AK1: variants seen among roughly 807,000 people sequenced by gnomAD.
AK1 encodes adenylate kinase isoenzyme 1.
In AK1, 13 loss-of-function variants were observed where a neutral mutation model predicts 23.9. The ratio of observed to expected loss-of-function variants is 0.54; its 90% confidence interval spans 0.35 to 0.86. The LOEUF (loss-of-function observed/expected upper bound fraction) is 0.86, where lower values mean the gene tolerates loss of function less well. AK1 is among the 40% of genes least tolerant of loss of function. The pLI, the probability that AK1 is intolerant of heterozygous loss-of-function variation, is 0.01. For synonymous variants in AK1, 97 were observed against 102.8 expected (o/e 0.94, Z 0.34); for missense variants, 214 against 255.1 (o/e 0.84, Z 1.10).
In AK1 at chr9:127,867,113, C is replaced by T. The variant is rs1240698377; in HGVS notation, c.*895G>A. 1 of 151,440 alleles carries T rather than the reference C, an allele frequency of 6.6e-6. No individual in the cohort carries two copies. Among genetic ancestry groups the T allele is most frequent in the African/African-American group, 2.4e-5 (1 of 41,026 alleles). 9.4% of individuals were successfully genotyped at this position (151,440 alleles called of 1,614,324 possible). A position where few individuals can be genotyped will look rare whatever the true frequency, so the allele number is the denominator to read the frequency against. On this transcript the variant is annotated 3_prime_UTR_variant, in exon 7 of 7. Transcript: ENST00000644144. ...GCAAGCTCCACCTCCCGGGTTCACG[C>T]CATTCTCCTGCCTCAGCCTCATGAG...
At chr9:127,875,037 C>T (rs1354302339) in intron 1 of AK1, 3 of 268,170 alleles carry the variant, frequency 1.1e-5, no homozygotes, top group East Asian at 1.7e-4. Flanking sequence ...CAGCGTCTGC[C>T]CAGACACCTT....
chr9:127,873,691 C>G, intron 2 of AK1: 1 of 1,355,764 alleles, frequency 7.4e-7, no homozygotes. Flanking sequence ...GGCCACAGCC[C>G]CACTGGGCAG....
rs1829410597 is a variant in AK1, at chr9:127,871,597, A to G, written c.324+226T>C. 6.6e-6 allele frequency among the ~76,000 whole-genome samples: 1 copy of G among 151,574 alleles called. No homozygotes were observed. ...CAAGATCTCAAGCCGTTGAGCTGGA[A>G]TCTGAGCCCAGGTTTGGCAACTGCC... On this transcript the variant is annotated intron_variant, in intron 5 of 6. Coordinates refer to ENST00000644144, the MANE Select transcript of AK1 (RefSeq NM_000476.3). This position sits in a 1 kb window ranked among gnomAD's most constrained non-coding sequence, Gnocchi z 4.4.
rs1171896207 is a variant in AK1, at chr9:127,867,968, TG to T, written c.*39del. 3 of 1,603,110 alleles carry T rather than the reference TG, an allele frequency of 1.9e-6. No individual in the cohort carries two copies. The highest frequency in any genetic ancestry group is 2.6e-6 in the Non-Finnish European group (3 of 1,170,504). On this transcript the variant is annotated 3_prime_UTR_variant, in exon 7 of 7. Transcript: ENST00000644144. ...AGGAGGACCTCGAATCAGGACGGGGTGGGGCGGGGCTCTGAGCTGGGGAAGC... is the reference window on the plus strand; with the variant it reads ...AGGAGGACCTCGAATCAGGACGGGGTGGGCGGGGCTCTGAGCTGGGGAAGC...
chr9:127,876,257 A>G (rs573595601), intron 1 of AK1, among the ~76,000 whole-genome samples: 2 of 152,230 alleles, frequency 1.3e-5, no homozygotes, highest in South Asian at 4.1e-4. Flanking sequence ...GCACTGCACA[A>G]CCACGCTGTA....
At chr9:127,872,578 C>T (rs888812404) in intron 4 of AK1, 112 bp downstream of exon 4, 88 of 1,427,120 alleles carry the variant, frequency 6.2e-5, no homozygotes, top group Non-Finnish European at 8.0e-5. Context: ...GGTTTGGAGC[C>T]GGGGGCGGTT....
At position 127,874,300 on chromosome 9, in the gene AK1, T is replaced by C. The variant is rs186337207; in HGVS notation, c.7+311A>G. On this transcript the variant is annotated intron_variant, in intron 2 of 6. Transcript: ENST00000644144. ...GTACGGGGAATTGCCTTGTCCTCAT[T>C]AGACCTGGTGTTTTGTGTATCTGTG... 220 of 985,386 alleles carry C rather than the reference T, an allele frequency of 2.2e-4. No individual in the cohort carries two copies. The African/African-American group carries it at 3.6e-3, about 16-fold the overall frequency. 61.0% of individuals were successfully genotyped at this position (985,386 alleles called of 1,614,324 possible).
Position 127,868,105 on chromosome 9 carries a change from G to A in AK1, c.517-29C>T. On this transcript the variant is annotated intron_variant, in intron 6 of 6. Coordinates refer to ENST00000644144, the MANE Select transcript of AK1 (RefSeq NM_000476.3). This position sits in a 1 kb window ranked among gnomAD's most constrained non-coding sequence, Gnocchi z 4.1. ...TGGGGAGATGGGCCGTGAGGGCTGA[G>A]TCACCAGGTGGAGTGGGGTGGGCCT... is the stretch of plus-strand genomic sequence containing the variant. 4 of 1,612,334 alleles carry A rather than the reference G, an allele frequency of 2.5e-6. No individual in the cohort carries two copies. Among genetic ancestry groups the A allele is most frequent in the Non-Finnish European group, 3.4e-6 (4 of 1,178,430 alleles).
intron 1 of AK1, among the ~76,000 whole-genome samples, chr9:127,875,427 G>A (rs1829516607): frequency 7.0e-6 from 1 of 142,544 alleles, no homozygotes; most frequent in African/African-American, 2.7e-5. Context: ...ACTGCCCTCT[G>A]GACACCTTTG....
chr9:127,873,884 C>G lies in AK1; in HGVS notation c.7+727G>C. 3 of 985,396 alleles carry G rather than the reference C, an allele frequency of 3.0e-6. No homozygotes were observed. The South Asian group carries it at 1.4e-4, about 46-fold the overall frequency. The allele number at this position is 985,396 out of a possible 1,614,324, so 61.0% of individuals were successfully genotyped here. On this transcript the variant is annotated intron_variant, in intron 2 of 6. Coordinates refer to ENST00000644144, the MANE Select transcript of AK1 (RefSeq NM_000476.3). Reference sequence around the variant, plus strand: ...GCCCCTCTCTGGTTCTCTGCCCCTTCCCCAGGGAGGAGGTGGGCTGGGCGG... The same window carrying G: ...GCCCCTCTCTGGTTCTCTGCCCCTTGCCCAGGGAGGAGGTGGGCTGGGCGG...
intron 1 of AK1, among the ~76,000 whole-genome samples, chr9:127,876,679 G>A (rs1229517237): frequency 7.2e-6 from 1 of 139,700 alleles, no homozygotes; most frequent in Non-Finnish European, 1.6e-5. Context: ...CCCCCTCCTG[G>A]TAATCTAAGC....
chr9:127,867,964 G>C lies in AK1; in HGVS notation c.*44C>G, dbSNP rs768926123. 5 of 1,597,294 alleles carry C rather than the reference G, an allele frequency of 3.1e-6. No individual in the cohort carries two copies. The highest frequency in any genetic ancestry group is 4.3e-6 in the Non-Finnish European group (5 of 1,164,774). On this transcript the variant is annotated 3_prime_UTR_variant, in exon 7 of 7. Transcript: ENST00000644144. ...GGCCAGGAGGACCTCGAATCAGGAC[G>C]GGGTGGGGCGGGGCTCTGAGCTGGG...
Position 127,877,650 on chromosome 9 carries a change from G to A in AK1, c.-60C>T, listed in dbSNP as rs945728349. 2 of 152,300 alleles carry A rather than the reference G, an allele frequency of 1.3e-5. No individual in the cohort carries two copies. Among genetic ancestry groups the A allele is most frequent in the Admixed American group, 1.3e-4 (2 of 15,294 alleles). 9.4% of individuals were successfully genotyped at this position (152,300 alleles called of 1,614,324 possible). The stretch of plus-strand genomic sequence containing the variant: ...GGGGAGGGGTGCGGGTGGGCGCCGG[G>A]GCCAGTGCGTGCCCTGCCCGTCCTC... On this transcript the variant is annotated 5_prime_UTR_variant, in exon 1 of 7. Coordinates refer to ENST00000644144, the MANE Select transcript of AK1 (RefSeq NM_000476.3). The surrounding 1 kb of genome is among the most constrained non-coding windows in gnomAD (Gnocchi z 5.2).
At chr9:127,878,273 A>T (rs1373501687), upstream of AK1, 1 of 152,274 alleles carries the variant, frequency 6.6e-6, no homozygotes, top group Non-Finnish European at 1.5e-5. Context: ...AGAAGATTAT[A>T]GAAAACCAGC....
chr9:127,874,685 C>T, intron 1 of AK1, 36 bp from the exon 2 acceptor site: 2 of 1,602,012 alleles, frequency 1.2e-6, no homozygotes, highest in Non-Finnish European at 1.7e-6. Flanking sequence ...GAGGGATTTT[C>T]CTCCTCACCC....
At chr9:127,873,681 G>T in intron 2 of AK1, 1 of 1,366,276 alleles carries the variant, frequency 7.3e-7, no homozygotes, top group Non-Finnish European at 9.4e-7. Flanking sequence ...ATCCCAGCAA[G>T]GCCACAGCCC....
chr9:127,873,167 C>T, intron 2 of AK1, 106 bp from the exon 3 acceptor site: 1 of 1,550,762 alleles, frequency 6.4e-7, no homozygotes, highest in East Asian at 2.4e-5. Context: ...GAGGGACAGA[C>T]ACCGCTGGCG....
At chr9:127,870,077 C>G (rs540060476) in intron 5 of AK1, among the ~76,000 whole-genome samples, 1 of 152,300 alleles carries the variant, frequency 6.6e-6, no homozygotes, top group African/African-American at 2.4e-5. Flanking sequence ...AGCCCTGGCG[C>G]CCCCTGGTGT....
At chr9:127,870,125 G>T (rs1260763164) in intron 5 of AK1, among the ~76,000 whole-genome samples, 1 of 151,804 alleles carries the variant, frequency 6.6e-6, no homozygotes, top group Non-Finnish European at 1.5e-5. Flanking sequence ...ACACCTGGAG[G>T]CCACAGCAGG....
Sources: gnomAD v4.1 joint callset for allele counts (sites outside exome capture counted in the v4.1 genomes callset) on GRCh38, gnomAD v4.1.1 for gene constraint, Gnocchi (gnomAD v3.1) non-coding constraint, MANE v1.5 for transcripts, NCBI Gene and HGNC (gene_info 2026-07-23, HGNC 2026-07-21) for gene names.